The following CPXCR1 variants were observed in gnomAD, a reference collection of about 807,000 sequenced individuals.
CPXCR1 encodes CPX chromosomal region candidate gene 1 protein.
In CPXCR1, 15 loss-of-function variants were observed where a neutral mutation model predicts 13.8. The observed-to-expected ratio is 1.09, with a 90% confidence interval of 0.73 to 1.67. The LOEUF is 1.67. CPXCR1 is among the 40% of genes most tolerant of loss of function. The pLI is 0.00. For synonymous variants in CPXCR1, 70 were observed against 76.7 expected, an observed-to-expected ratio of 0.91 and a Z score of 0.46; for missense variants, 247 against 223.6, an observed-to-expected ratio of 1.10 and a Z score of -0.67.
At position 88,753,612 on chromosome X, in the gene CPXCR1, A is replaced by T; in HGVS notation, c.198A>T (p.Ala66=). The change falls in exon 3 of 3, where the codon GCA becomes GCT. Residue 66 remains alanine (A), a synonymous_variant. Coordinates refer to ENST00000276127, the MANE Select transcript of CPXCR1 (RefSeq NM_033048.6). The part of the protein sequence containing the change: ...ATSQEDVVPQ[A]AENSELETEI... ...CCCAGGAAGATGTTGTTCCTCAAGC[A>T]GCAGAAAACAGCGAGCTCGAAACAG... is the stretch of plus-strand genomic sequence containing the variant. The T allele has an allele frequency of 8.3e-7, 1 of 1,205,562 alleles. No homozygotes were observed. The highest frequency in any genetic ancestry group is 1.1e-6 in the Non-Finnish European group (1 of 892,714).
Position 88,754,101 on chromosome X carries a change from C to A in CPXCR1, c.687C>A (p.Phe229Leu), listed in dbSNP as rs867364023. 4.2e-6 allele frequency: 5 copies of A among 1,204,337 alleles called. No homozygotes were observed. In the East Asian group the frequency reaches 1.5e-4, roughly 36 times the overall value. ...KSTDTKGKCR[F>L]RAIVRSVLFV... ...CTGACACTAAAGGGAAATGTAGATT[C>A]CGTGCTATTGTGAGGTCTGTGCTCT... Residue 229 changes from phenylalanine (F) to leucine (L), a missense_variant, in exon 3 of 3, where the codon TTC becomes TTA. Physicochemically the swap from Phe to Leu is conservative, Grantham distance 22. Transcript: ENST00000276127.
At chrX:88,751,166 T>TAA (rs1326693792) in intron 2 of CPXCR1, among the ~76,000 whole-genome samples, 2 of 111,604 alleles carry the variant, frequency 1.8e-5, no homozygotes, top group Non-Finnish European at 3.8e-5. Flanking sequence ...GAGGTTAGGG[T>TAA]GCCGATTTTA....
intron 2 of CPXCR1, 127 bp from the exon 3 acceptor site, chrX:88,753,280 T>C (rs1368948868): frequency 2.8e-6 from 1 of 360,460 alleles, no homozygotes; most frequent in Non-Finnish European, 4.7e-6. Flanking sequence ...TGATACAATA[T>C]TTATAGTTGC....
At chrX:88,748,318 A>G (rs1924826129) in intron 1 of CPXCR1, among the ~76,000 whole-genome samples, 1 of 106,506 alleles carries the variant, frequency 9.4e-6, no homozygotes, top group Non-Finnish European at 1.9e-5. Flanking sequence ...ATTAAAATTT[A>G]TATTTAATGT....
intron 2 of CPXCR1, among the ~76,000 whole-genome samples, chrX:88,750,645 T>C (rs1924890587): frequency 8.9e-6 from 1 of 112,177 alleles, no homozygotes; most frequent in Admixed American, 9.5e-5. Flanking sequence ...TCAGAAAGAA[T>C]GGTACCAGCT....
At position 88,754,152 on chromosome X, in the gene CPXCR1, T is replaced by C. The variant is rs749565646; in HGVS notation, c.738T>C (p.Ser246=). 2.5e-6 allele frequency: 3 copies of C among 1,192,284 alleles called. No individual in the cohort carries two copies. The Admixed American group carries it at 6.7e-5, about 27-fold the overall frequency. ...TTGTGTCACAGATACAAATTGAAAG[T>C]ATTTTTAATATAAAAGGTTTTGTGG... is the stretch of plus-strand genomic sequence containing the variant. ...VLFVSQIQIE[S]IFNIKGFVDI... is the part of the protein sequence containing the mutation. Residue 246 remains serine, a synonymous_variant, in exon 3 of 3, where the codon AGT becomes AGC. Coordinates refer to ENST00000276127, the MANE Select transcript of CPXCR1 (RefSeq NM_033048.6).
intron 2 of CPXCR1, among the ~76,000 whole-genome samples, chrX:88,750,797 C>T (rs1411973552): frequency 9.0e-6 from 1 of 111,391 alleles, no homozygotes; most frequent in East Asian, 2.8e-4. Flanking sequence ...CTGGTTTAGA[C>T]TTGGGAGGGT....
intron 1 of CPXCR1, among the ~76,000 whole-genome samples, chrX:88,748,861 ATACT>A (rs1924844787): frequency 3.7e-5 from 4 of 106,841 alleles, no homozygotes; most frequent in Admixed American, 1.0e-4. Flanking sequence ...TTTGTCTCAC[ATACT>A]TATCTTTATT....
rs183488075 is a variant in CPXCR1 at position 88,754,439 on chromosome X, G to A, written c.*119G>A. 168 of 455,394 alleles carry A rather than the reference G, an allele frequency of 3.7e-4. No homozygotes were observed. The African/African-American group carries it at 3.7e-3, about 10-fold the overall frequency. 37.5% of individuals were successfully genotyped at this position (455,394 alleles called of 1,213,427 possible). A position where few individuals can be genotyped will look rare whatever the true frequency, so the allele number is the denominator to read the frequency against. On this transcript the variant is annotated 3_prime_UTR_variant, in exon 3 of 3. Transcript: ENST00000276127. Reference sequence around the variant, plus strand: ...GTATTATTAGAGGGAGTAGCAGAAAGGAACACAAACTAATAGTACCTCTCA... The same window carrying A: ...GTATTATTAGAGGGAGTAGCAGAAAAGAACACAAACTAATAGTACCTCTCA...
At chrX:88,748,186 A>G (rs1187801118) in intron 1 of CPXCR1, among the ~76,000 whole-genome samples, 1 of 111,132 alleles carries the variant, frequency 9.0e-6, no homozygotes, top group African/African-American at 3.3e-5. Context: ...TATCAGGCAT[A>G]TACATCTACA....
Position 88,754,240 on chromosome X carries a change from T to A in CPXCR1, c.826T>A (p.Tyr276Asn). The change falls in exon 3 of 3, where the codon TAC becomes AAC. Residue 276 changes from tyrosine (Y) to asparagine (N), a missense_variant. Physicochemically the swap from Tyr to Asn is moderately radical, Grantham distance 143. Coordinates refer to ENST00000276127, the MANE Select transcript of CPXCR1 (RefSeq NM_033048.6). ...MITNTNNGWK[Y>N]FCPICGRLFN... ...CACAAACACCAATAATGGTTGGAAA[T>A]ACTTTTGTCCCATCTGTGGAAGGCT... 1 of 1,189,307 alleles carries A rather than the reference T, an allele frequency of 8.4e-7. No individual in the cohort carries two copies. The highest frequency in any genetic ancestry group is 1.1e-6 in the Non-Finnish European group (1 of 878,568).
Position 88,754,153 on chromosome X carries a change from A to C in CPXCR1, c.739A>C (p.Ile247Leu), listed in dbSNP as rs552611612. The C allele has an allele frequency of 8.4e-7, 1 of 1,193,390 alleles. No individual in the cohort carries two copies. Among genetic ancestry groups the C allele is most frequent in the Admixed American group, 2.2e-5 (1 of 44,847 alleles). Reference protein sequence around the residue: ...LFVSQIQIESIFNIKGFVDIL... With the variant: ...LFVSQIQIESLFNIKGFVDIL... ...TGTGTCACAGATACAAATTGAAAGT[A>C]TTTTTAATATAAAAGGTTTTGTGGA... Residue 247 changes from isoleucine (I) to leucine (L), a missense_variant, in exon 3 of 3, where the codon ATT becomes CTT. Ile to Leu is a conservative substitution (Grantham distance 5). Coordinates refer to ENST00000276127, the MANE Select transcript of CPXCR1 (RefSeq NM_033048.6).
chrX:88,748,769 T>C (rs1487833113), intron 1 of CPXCR1, among the ~76,000 whole-genome samples: 3 of 109,993 alleles, frequency 2.7e-5, no homozygotes, highest in Non-Finnish European at 3.8e-5. Flanking sequence ...TACTAGTATA[T>C]TCACAATGAA....
At chrX:88,748,560 A>G (rs1924834143) in intron 1 of CPXCR1, among the ~76,000 whole-genome samples, 1 of 110,809 alleles carries the variant, frequency 9.0e-6, no homozygotes, top group Admixed American at 9.6e-5. Context: ...AAATATTGAG[A>G]GGTTTAACAG....
chrX:88,749,856 C>T (rs964588970), intron 2 of CPXCR1, among the ~76,000 whole-genome samples: 1 of 107,577 alleles, frequency 9.3e-6, no homozygotes, highest in Non-Finnish European at 1.9e-5. Flanking sequence ...GACAAAGATA[C>T]GAGATAAACT....
rs1488894459 is a variant in CPXCR1 at position 88,749,402 on chromosome X, A to T, written c.-30A>T. On this transcript the variant is annotated 5_prime_UTR_variant, in exon 2 of 3. Coordinates refer to ENST00000276127, the MANE Select transcript of CPXCR1 (RefSeq NM_033048.6). ...ATTTCAGCCTTACTGAGAAGCAGCCAGTCATACTATCCTCAAATTTTGTGA... is the reference window on the plus strand; with the variant it reads ...ATTTCAGCCTTACTGAGAAGCAGCCTGTCATACTATCCTCAAATTTTGTGA... 9.0e-6 allele frequency: 1 copy of T among 110,937 alleles called. No individual in the cohort carries two copies. Among genetic ancestry groups the T allele is most frequent in the East Asian group, 2.9e-4 (1 of 3,500 alleles). 9.1% of individuals were successfully genotyped at this position (110,937 alleles called of 1,213,427 possible).
At position 88,753,992 on chromosome X, in the gene CPXCR1, C is replaced by T. The variant is rs754987127; in HGVS notation, c.578C>T (p.Ala193Val). 15 of 1,208,969 alleles carry T rather than the reference C, an allele frequency of 1.2e-5. No homozygotes were observed. The highest frequency in any genetic ancestry group is 1.7e-5 in the Non-Finnish European group (15 of 893,496). ...AATAGTTTCACCCATCACGAGAGAG[C>T]CATAACATTTAGAAGGCCTTCGAGG... ...HPNSFTHHERAITFRRPSRVH... is the reference protein window; with the variant it reads ...HPNSFTHHERVITFRRPSRVH... The change falls in exon 3 of 3, where the codon GCC becomes GTC. Residue 193 changes from alanine (A) to valine (V), a missense_variant. Transcript: ENST00000276127.
Position 88,752,331 on chromosome X carries a change from A to G in CPXCR1, c.-8-1076A>G, listed in dbSNP as rs1011560007. 3.1e-4 allele frequency among the ~76,000 whole-genome samples: 34 copies of G among 110,868 alleles called. 1 individual carries two copies. The highest frequency in any genetic ancestry group is 1.0e-3 in the African/African-American group (32 of 30,512). The stretch of plus-strand genomic sequence containing the variant: ...TAAGTAGTAAAGCAAGCATGAGGTA[A>G]TTTTCAGCTTGACTAGTGCTGAGGC... On this transcript the variant is annotated intron_variant, in intron 2 of 2. Transcript: ENST00000276127.
intron 2 of CPXCR1, among the ~76,000 whole-genome samples, chrX:88,750,805 G>C (rs1250495691): frequency 9.0e-6 from 1 of 111,143 alleles, no homozygotes; most frequent in Non-Finnish European, 1.9e-5. Flanking sequence ...GACTTGGGAG[G>C]GTGTATGTGT....
Sources: gnomAD v4.1 joint callset for allele counts (sites outside exome capture counted in the v4.1 genomes callset) on GRCh38, gnomAD v4.1.1 for gene constraint, MANE v1.5 for transcripts, NCBI Gene and HGNC (gene_info 2026-07-23, HGNC 2026-07-21) for gene names.